Variants in MTHFS observed in about 807,000 individuals in gnomAD.
MTHFS encodes the protein 5-formyltetrahydrofolate cyclo-ligase.
In MTHFS, 7 loss-of-function variants were observed where a neutral mutation model predicts 12.7. The observed-to-expected ratio is 0.55, with a 90% confidence interval of 0.31 to 1.03. The LOEUF (loss-of-function observed/expected upper bound fraction) is 1.03, where lower values mean the gene tolerates loss of function less well. Among genes scored for constraint, MTHFS ranks in the 50% least tolerant of loss-of-function variants. The pLI, the probability that MTHFS is intolerant of heterozygous loss-of-function variation, is 0.05. For missense variants in MTHFS, 252 were observed against 258.1 expected (o/e 0.98, Z 0.16); for synonymous variants, 100 against 97.1 (o/e 1.03, Z -0.18).
intron 2 of MTHFS, among the ~76,000 whole-genome samples, chr15:79,865,933 C>T (rs2034002020): frequency 6.6e-6 from 1 of 152,194 alleles, no homozygotes; most frequent in Admixed American, 6.5e-5. Flanking sequence ...GGCCTGAACA[C>T]CAACCACACA....
Position 79,844,460 on chromosome 15 carries a change from A to G in MTHFS, c.*750T>C, listed in dbSNP as rs950678196. ...TTCTGGAGATGACCAAATCCTCCCCACAACAAAATTATTGCTCCCTAGCTG... is the reference window on the plus strand; with the variant it reads ...TTCTGGAGATGACCAAATCCTCCCCGCAACAAAATTATTGCTCCCTAGCTG... On this transcript the variant is annotated 3_prime_UTR_variant, in exon 3 of 3. Transcript: ENST00000258874. 1.3e-5 allele frequency among the ~76,000 whole-genome samples: 2 copies of G among 152,178 alleles called. No homozygotes were observed. Among genetic ancestry groups the G allele is most frequent in the Non-Finnish European group, 2.9e-5 (2 of 68,030 alleles).
chr15:79,864,531 T>G (rs1173888745), intron 2 of MTHFS, among the ~76,000 whole-genome samples: 1 of 98,882 alleles, frequency 1.0e-5, no homozygotes, highest in African/African-American at 4.2e-5. Flanking sequence ...GGCAACAAAG[T>G]GAGACTCCAT....
chr15:79,889,070 C>A, intron 2 of MTHFS, 23 bp downstream of exon 2: 1 of 1,611,080 alleles, frequency 6.2e-7, no homozygotes, highest in Non-Finnish European at 8.5e-7. Context: ...AATCTAACAA[C>A]ATCCTAACAC....
chr15:79,859,817 CAAAA>C (rs368106807), intron 2 of MTHFS, among the ~76,000 whole-genome samples: 1 of 58,894 alleles, frequency 1.7e-5, no homozygotes, highest in Non-Finnish European at 3.9e-5. Context: ...GAATACATGT[CAAAA>C]AAAAAAAAAA....
chr15:79,890,158 C>A (rs2034449067), intron 1 of MTHFS, among the ~76,000 whole-genome samples: 1 of 149,984 alleles, frequency 6.7e-6, no homozygotes, highest in Non-Finnish European at 1.5e-5. Flanking sequence ...TGTCAACAAT[C>A]TCAGGAACTT....
chr15:79,885,196 T>C (rs1392424865), intron 2 of MTHFS, among the ~76,000 whole-genome samples: 19 of 152,100 alleles, frequency 1.2e-4, no homozygotes, highest in Non-Finnish European at 4.4e-5. Context: ...CCTAGAAGGG[T>C]TGTTCAAAGA....
At chr15:79,856,735 G>A (rs2033810736) in intron 2 of MTHFS, among the ~76,000 whole-genome samples, 1 of 152,024 alleles carries the variant, frequency 6.6e-6, no homozygotes, top group Non-Finnish European at 1.5e-5. Flanking sequence ...CCTTTAAAAT[G>A]GTTAAGATGG....
intron 2 of MTHFS, among the ~76,000 whole-genome samples, chr15:79,870,879 A>T (rs2034091583): frequency 6.6e-6 from 1 of 152,260 alleles, no homozygotes; most frequent in South Asian, 2.1e-4. Context: ...GTGGTGGCTC[A>T]TGCTTGTATT....
intron 2 of MTHFS, among the ~76,000 whole-genome samples, chr15:79,867,996 G>A (rs994754267): frequency 5.3e-5 from 8 of 152,164 alleles, no homozygotes; most frequent in African/African-American, 1.9e-4. Context: ...GCAATCCAAC[G>A]TTGGTATAGA....
At chr15:79,890,623 A>G (rs1044203623) in intron 1 of MTHFS, among the ~76,000 whole-genome samples, 3 of 152,224 alleles carry the variant, frequency 2.0e-5, no homozygotes, top group East Asian at 3.9e-4. Flanking sequence ...ACTTTTTAAT[A>G]CTTTTGTTAT....
At chr15:79,869,720 C>T (rs536586297) in intron 2 of MTHFS, among the ~76,000 whole-genome samples, 17 of 152,270 alleles carry the variant, frequency 1.1e-4, no homozygotes, top group African/African-American at 4.1e-4. Context: ...AGGCATGAGC[C>T]ACCATGCCTG....
intron 2 of MTHFS, among the ~76,000 whole-genome samples, chr15:79,866,239 C>T (rs1209362562): frequency 6.6e-6 from 1 of 152,206 alleles, no homozygotes. Context: ...CAGAAGATAA[C>T]TATTTGAGTT....
intron 2 of MTHFS, among the ~76,000 whole-genome samples, chr15:79,880,126 G>T (rs1489793105): frequency 6.6e-6 from 1 of 151,816 alleles, no homozygotes; most frequent in Non-Finnish European, 1.5e-5. Context: ...CTGGAGTGCA[G>T]TGGCATGATC....
At chr15:79,882,169 A>G (rs1054335063) in intron 2 of MTHFS, among the ~76,000 whole-genome samples, 1 of 152,252 alleles carries the variant, frequency 6.6e-6, no homozygotes, top group Non-Finnish European at 1.5e-5. Context: ...GTTTGGAAAC[A>G]CTTTCAATGA....
Position 79,845,187 on chromosome 15 carries a change from T to A in MTHFS, c.*23A>T. The A allele has an allele frequency of 6.2e-7, 1 of 1,613,232 alleles. No homozygotes were observed. Among genetic ancestry groups the A allele is most frequent in the Non-Finnish European group, 8.5e-7 (1 of 1,179,348 alleles). On this transcript the variant is annotated 3_prime_UTR_variant, in exon 3 of 3. Coordinates refer to ENST00000258874, the MANE Select transcript of MTHFS (RefSeq NM_006441.4). ...CTTTACTCTCATATAAAACACTGAT[T>A]ATTTGGCTGTAGTAATCCAGATTTA...
At chr15:79,891,918 AT>A (rs1445454556) in intron 1 of MTHFS, among the ~76,000 whole-genome samples, 3 of 137,484 alleles carry the variant, frequency 2.2e-5, no homozygotes, top group African/African-American at 8.1e-5. Context: ...AGCCAAGATC[AT>A]GCCATTGCAC....
intron 2 of MTHFS, among the ~76,000 whole-genome samples, chr15:79,887,861 C>A (rs1485997673): frequency 6.6e-6 from 1 of 152,086 alleles, no homozygotes; most frequent in Non-Finnish European, 1.5e-5. Context: ...TCTAGCAAAG[C>A]CCAAGATTGG....
intron 2 of MTHFS, 85 bp downstream of exon 2, chr15:79,889,008 C>T: frequency 6.5e-7 from 1 of 1,528,278 alleles, no homozygotes. Flanking sequence ...GGAAAAGCAA[C>T]TCCCACTGAC....
intron 2 of MTHFS, among the ~76,000 whole-genome samples, chr15:79,866,030 G>A (rs1251465574): frequency 4.1e-5 from 6 of 144,882 alleles, no homozygotes; most frequent in African/African-American, 1.5e-4. Flanking sequence ...AGTCACTGCA[G>A]TTTGAAATTT....
Sources: gnomAD v4.1 joint callset for allele counts (sites outside exome capture counted in the v4.1 genomes callset) on GRCh38, gnomAD v4.1.1 for gene constraint, MANE v1.5 for transcripts, NCBI Gene and HGNC (gene_info 2026-07-23, HGNC 2026-07-21) for gene names.